Variants in SAMD12 observed in about 807,000 individuals in gnomAD.
SAMD12 encodes sterile alpha motif domain containing 12.
SAMD12 carries 9 observed loss-of-function variants against 15.0 expected under a neutral mutation model. The observed-to-expected ratio is 0.60, with a 90% confidence interval of 0.36 to 1.05. The LOEUF is 1.05. SAMD12 is among the 50% of genes least tolerant of loss of function. The probability of loss-of-function intolerance (pLI) is 0.01; values close to 1 mark genes in which losing one functional copy is unlikely to be tolerated. For synonymous variants in SAMD12, 86 were observed against 90.1 expected, an observed-to-expected ratio of 0.96 and a Z score of 0.25; for missense variants, 230 against 234.2, an observed-to-expected ratio of 0.98 and a Z score of 0.12.
intron 3 of SAMD12, among the ~76,000 whole-genome samples, chr8:118,395,531 G>A (rs1414796868): frequency 1.3e-5 from 2 of 152,018 alleles, no homozygotes; most frequent in African/African-American, 4.8e-5. Flanking sequence ...CAGTGTTCAG[G>A]GACCAAAATG....
At chr8:118,205,636 CG>C (rs1819840427) in intron 4 of SAMD12, among the ~76,000 whole-genome samples, 1 of 152,208 alleles carries the variant, frequency 6.6e-6, no homozygotes, top group African/African-American at 2.4e-5. Flanking sequence ...CATTTTTAGA[CG>C]AATACCTAGA....
At chr8:118,441,526 T>G (rs1586720021) in intron 2 of SAMD12, among the ~76,000 whole-genome samples, 1 of 152,144 alleles carries the variant, frequency 6.6e-6, no homozygotes, top group East Asian at 1.9e-4. Context: ...ATCACAATGC[T>G]GATCACTTTT....
chr8:118,422,914 G>A (rs1444272472), intron 3 of SAMD12, among the ~76,000 whole-genome samples: 1 of 152,180 alleles, frequency 6.6e-6, no homozygotes, highest in Admixed American at 6.5e-5. Context: ...GGGACGGTAG[G>A]CAAGGAGAAG....
intron 2 of SAMD12, among the ~76,000 whole-genome samples, chr8:118,489,708 A>C (rs896474619): frequency 2.0e-5 from 3 of 152,196 alleles, no homozygotes; most frequent in Admixed American, 6.5e-5. Context: ...TCACATTAAA[A>C]ACTAATTTAA....
chr8:118,214,553 G>A (rs1390383705), intron 4 of SAMD12, among the ~76,000 whole-genome samples: 1 of 152,170 alleles, frequency 6.6e-6, no homozygotes, highest in East Asian at 1.9e-4. Flanking sequence ...TTTGTCTCAA[G>A]AAAATTCCAA....
At chr8:118,617,955 G>T (rs900078016) in intron 1 of SAMD12, among the ~76,000 whole-genome samples, 2 of 151,948 alleles carry the variant, frequency 1.3e-5, no homozygotes, top group Non-Finnish European at 1.5e-5. Flanking sequence ...GATTAGTTTG[G>T]GGTCCCTGCT....
intron 2 of SAMD12, among the ~76,000 whole-genome samples, chr8:118,533,919 A>G (rs1461345391): frequency 1.3e-5 from 2 of 152,170 alleles, no homozygotes; most frequent in Non-Finnish European, 2.9e-5. Context: ...GTGTCTTTTA[A>G]TTGGAGCATT....
At chr8:118,316,369 C>CAAAAAAAAAAAAAAAAAA (rs71307444) in intron 4 of SAMD12, among the ~76,000 whole-genome samples, 42 of 114,138 alleles carry the variant, frequency 3.7e-4, no homozygotes, top group African/African-American at 1.6e-3. Flanking sequence ...CCCATGTCTA[C>CAAAAAAAAAAAAAAAAAA]AAAAAAAAAA....
chr8:118,400,009 A>C (rs896829039), intron 3 of SAMD12, among the ~76,000 whole-genome samples: 2 of 152,222 alleles, frequency 1.3e-5, no homozygotes. Flanking sequence ...TTCTGTGTGT[A>C]TCATCTATTG....
intron 2 of SAMD12, among the ~76,000 whole-genome samples, chr8:118,539,661 C>T (rs1293630969): frequency 1.3e-5 from 2 of 152,134 alleles, no homozygotes; most frequent in Non-Finnish European, 1.5e-5. Flanking sequence ...GGGCCACTAG[C>T]TCTCATCAGG....
At chr8:118,618,300 A>G (rs760972026) in intron 1 of SAMD12, among the ~76,000 whole-genome samples, 2 of 152,244 alleles carry the variant, frequency 1.3e-5, no homozygotes, top group Non-Finnish European at 2.9e-5. Flanking sequence ...AAAGTGAATG[A>G]GTGAACTACT....
chr8:118,231,274 T>C (rs1434396182), intron 4 of SAMD12, among the ~76,000 whole-genome samples: 1 of 152,138 alleles, frequency 6.6e-6, no homozygotes, highest in Non-Finnish European at 1.5e-5. Flanking sequence ...AGGGCTGACC[T>C]AAGATGGCAG....
chr8:118,301,707 G>A (rs1335973095), intron 4 of SAMD12, among the ~76,000 whole-genome samples: 1 of 152,164 alleles, frequency 6.6e-6, no homozygotes, highest in Non-Finnish European at 1.5e-5. Context: ...TTTAAATTAT[G>A]AAAGTCTTAC....
At chr8:118,466,109 A>G (rs534712210) in intron 2 of SAMD12, among the ~76,000 whole-genome samples, 53 of 152,364 alleles carry the variant, frequency 3.5e-4, no homozygotes, top group African/African-American at 1.3e-3. Flanking sequence ...GCATAGTGTT[A>G]TCACAGATGA....
intron 2 of SAMD12, among the ~76,000 whole-genome samples, chr8:118,551,135 A>G (rs1334768487): frequency 6.6e-6 from 1 of 152,230 alleles, no homozygotes; most frequent in African/African-American, 2.4e-5. Context: ...AAAGTCAACA[A>G]GGATACCCAG....
intron 2 of SAMD12, among the ~76,000 whole-genome samples, chr8:118,519,357 T>C (rs1334458920): frequency 6.6e-6 from 1 of 152,204 alleles, no homozygotes; most frequent in African/African-American, 2.4e-5. Context: ...TCTTAAATTA[T>C]ATTGATTGTT....
intron 2 of SAMD12, among the ~76,000 whole-genome samples, chr8:118,487,573 A>C (rs1824325199): frequency 6.6e-6 from 1 of 152,230 alleles, no homozygotes; most frequent in Non-Finnish European, 1.5e-5. Flanking sequence ...AAGGACTGAA[A>C]GGAAGGACTG....
intron 2 of SAMD12, among the ~76,000 whole-genome samples, chr8:118,548,101 T>G (rs1044092693): frequency 2.0e-5 from 3 of 152,116 alleles, no homozygotes; most frequent in African/African-American, 7.2e-5. Context: ...AGTGAGAGAA[T>G]AGACAAAGAA....
At chr8:118,464,732 T>A (rs948069975) in intron 2 of SAMD12, among the ~76,000 whole-genome samples, 3 of 152,144 alleles carry the variant, frequency 2.0e-5, no homozygotes, top group Non-Finnish European at 4.4e-5. Context: ...CTTTTTTTTT[T>A]ATAGAGACTA....
Sources: allele counts gnomAD v4.1 joint callset (sites outside exome capture counted in the v4.1 genomes callset), GRCh38; gene constraint gnomAD v4.1.1; transcripts MANE v1.5; gene names NCBI Gene and HGNC (gene_info 2026-07-23, HGNC 2026-07-21).